Variants in ONECUT2 observed in about 807,000 individuals in gnomAD.
ONECUT2 encodes the protein one cut domain family member 2.
A neutral mutation model predicts 27.9 loss-of-function variants in ONECUT2; 10 were observed. The ratio of observed to expected loss-of-function variants is 0.36; its 90% CI spans 0.22 to 0.61. The LOEUF (loss-of-function observed/expected upper bound fraction) is 0.61. Among genes scored for constraint, ONECUT2 ranks in the 20% least tolerant of loss-of-function variants. The probability of loss-of-function intolerance (pLI) is 0.73; values close to 1 mark genes in which losing one functional copy is unlikely to be tolerated. For synonymous variants in ONECUT2, 334 were observed against 315.1 expected, an observed-to-expected ratio of 1.06 and a Z score of -0.64; for missense variants, 686 against 721.0, an observed-to-expected ratio of 0.95 and a Z score of 0.56.
At position 57,436,607 on chromosome 18, in the gene ONECUT2, C is replaced by T. The variant is rs781249150; in HGVS notation, c.891C>T (p.His297=). The change falls in exon 1 of 2, where the codon CAC becomes CAT. Residue 297 remains histidine, a synonymous_variant. Transcript: ENST00000491143. The surrounding 1 kb of genome is among the most constrained non-coding windows in gnomAD (Gnocchi z 5.9). ...TGTCGCACCTGAACGGCCTGCACCA[C>T]CCGGGCCACACTCAGTCTCACGGGC... ...AMMSHLNGLH[H]PGHTQSHGPV... The T allele has an allele frequency of 6.2e-7, 1 of 1,610,828 alleles. No homozygotes were observed. Among genetic ancestry groups the T allele is most frequent in the East Asian group, 2.2e-5 (1 of 44,874 alleles).
chr18:57,440,639 C>T (rs989498067), intron 1 of ONECUT2, among the ~76,000 whole-genome samples: 1 of 152,230 alleles, frequency 6.6e-6, no homozygotes, highest in Non-Finnish European at 1.5e-5. Context: ...ATGCCCGCAG[C>T]GGCGGGACAC....
intron 1 of ONECUT2, chr18:57,444,469 T>C (rs564644076): frequency 4.4e-6 from 2 of 455,952 alleles, no homozygotes; most frequent in Non-Finnish European, 8.8e-6. Flanking sequence ...TTGGCAGCCA[T>C]TGGCAGCTTG....
At chr18:57,437,628 C>G (rs1469675428) in intron 1 of ONECUT2, among the ~76,000 whole-genome samples, 2 of 152,178 alleles carry the variant, frequency 1.3e-5, no homozygotes, top group African/African-American at 4.8e-5. Context: ...GGGGCTCGGG[C>G]CAGCTCCAAT....
chr18:57,444,126 T>G (rs1395035390), intron 1 of ONECUT2, among the ~76,000 whole-genome samples: 2 of 152,216 alleles, frequency 1.3e-5, no homozygotes, highest in African/African-American at 4.8e-5. Flanking sequence ...AGTGGTTTGC[T>G]TTGTCATACT....
Position 57,455,097 on chromosome 18 carries a change from G to A in ONECUT2, c.1228+18153G>A, listed in dbSNP as rs551384165. 1.6e-4 allele frequency among the ~76,000 whole-genome samples: 25 copies of A among 152,280 alleles called. No homozygotes were observed. In the South Asian group the frequency reaches 5.2e-3, roughly 32 times the overall value. On this transcript the variant is annotated intron_variant, in intron 1 of 1. Transcript: ENST00000491143. Reference sequence around the variant, plus strand: ...GTGGTCATGAGATTTAAAATGCTAAGGAGAATGGCTTCCTCTTTAACCTCT... The same window carrying A: ...GTGGTCATGAGATTTAAAATGCTAAAGAGAATGGCTTCCTCTTTAACCTCT...
intron 1 of ONECUT2, among the ~76,000 whole-genome samples, chr18:57,459,782 C>A (rs1390420886): frequency 1.3e-5 from 2 of 152,190 alleles, no homozygotes; most frequent in Non-Finnish European, 2.9e-5. Context: ...TGGTCTCGAA[C>A]TTCTGACCTC....
At chr18:57,461,890 A>T (rs1165942775) in intron 1 of ONECUT2, among the ~76,000 whole-genome samples, 1 of 152,254 alleles carries the variant, frequency 6.6e-6, no homozygotes, top group East Asian at 1.9e-4. Flanking sequence ...GCAGTGGTGA[A>T]GGCCAGGAGA....
chr18:57,441,040 G>C (rs959918515), intron 1 of ONECUT2, among the ~76,000 whole-genome samples: 1 of 152,204 alleles, frequency 6.6e-6, no homozygotes, highest in Non-Finnish European at 1.5e-5. Flanking sequence ...GGGCGGGAGC[G>C]GGCAGAGGAG....
chr18:57,477,883 A>G lies in ONECUT2; in HGVS notation c.*1160A>G, dbSNP rs1433236558. 1 of 152,516 alleles carries G rather than the reference A, an allele frequency of 6.6e-6. No individual in the cohort carries two copies. Among genetic ancestry groups the G allele is most frequent in the Non-Finnish European group, 1.5e-5 (1 of 68,018 alleles). 9.4% of individuals were successfully genotyped at this position (152,516 alleles called of 1,614,324 possible). On this transcript the variant is annotated 3_prime_UTR_variant, in exon 2 of 2. Transcript: ENST00000491143. The stretch of plus-strand genomic sequence containing the variant: ...TGTTTTCTAGCAAGAAAAAAAAATC[A>G]ATCAATCAAACCTGCATACATGTTA...
In ONECUT2 at chr18:57,435,915, C is replaced by CCCAGCG; in HGVS notation, c.201_202insAGCGCC (p.Pro67_His68insSerAla). On this transcript the variant is annotated inframe_insertion, in exon 1 of 2. Transcript: ENST00000491143. ...GCAGGAGCTGCTGGCCAGCCCCAGC[C>CCCAGCG]CCCACCACGCGGGCCGCGGCGCCGC... 8.6e-7 allele frequency: 1 copy of CCCAGCG among 1,157,402 alleles called. No homozygotes were observed. The highest frequency in any genetic ancestry group is 4.3e-5 in the East Asian group (1 of 23,512). The allele number at this position is 1,157,402 out of a possible 1,614,324, so 71.7% of individuals were successfully genotyped here.
intron 1 of ONECUT2, among the ~76,000 whole-genome samples, chr18:57,448,853 A>G (rs541799485): frequency 6.6e-6 from 1 of 152,354 alleles, no homozygotes; most frequent in South Asian, 2.1e-4. Flanking sequence ...TAAATACTGA[A>G]AAGTGTGTGG....
intron 1 of ONECUT2, among the ~76,000 whole-genome samples, chr18:57,468,532 A>G (rs1009572750): frequency 6.6e-6 from 1 of 152,208 alleles, no homozygotes; most frequent in Non-Finnish European, 1.5e-5. Flanking sequence ...TAGGGAGCAC[A>G]AAATAATCCA....
At chr18:57,437,942 G>A (rs1368536391) in intron 1 of ONECUT2, among the ~76,000 whole-genome samples, 2 of 152,238 alleles carry the variant, frequency 1.3e-5, no homozygotes, top group African/African-American at 4.8e-5. Context: ...GCGACCGCGG[G>A]GAGGACTGGC....
chr18:57,437,010 C>T lies in ONECUT2; in HGVS notation c.1228+66C>T, dbSNP rs988426176. 63 of 1,498,312 alleles carry T rather than the reference C, an allele frequency of 4.2e-5. 1 individual carries two copies. Among genetic ancestry groups the T allele is most frequent in the Non-Finnish European group, 5.3e-5 (60 of 1,123,832 alleles). 92.8% of individuals were successfully genotyped at this position (1,498,312 alleles called of 1,614,324 possible). ...GGGCTCCGGGTCCGGTGCTTGTGGC[C>T]CAAGTCTGCGCGCCGAGTCACTTCT... On this transcript the variant is annotated intron_variant, in intron 1 of 1. Transcript: ENST00000491143.
chr18:57,438,555 T>C (rs377108878), intron 1 of ONECUT2, among the ~76,000 whole-genome samples: 23 of 152,188 alleles, frequency 1.5e-4, no homozygotes, highest in Non-Finnish European at 2.4e-4. Context: ...AGGCAGCAGG[T>C]TCACCCGGGC....
At chr18:57,445,533 T>A (rs1390544204) in intron 1 of ONECUT2, among the ~76,000 whole-genome samples, 1 of 152,202 alleles carries the variant, frequency 6.6e-6, no homozygotes, top group Non-Finnish European at 1.5e-5. Flanking sequence ...TGTTTCTAAT[T>A]GGCTATCTCT....
chr18:57,466,000 T>A (rs1324717740), intron 1 of ONECUT2, among the ~76,000 whole-genome samples: 1 of 152,220 alleles, frequency 6.6e-6, no homozygotes, highest in Non-Finnish European at 1.5e-5. Context: ...AGGGCTCCTC[T>A]TGTACCTGTG....
chr18:57,478,519 G>A lies in ONECUT2; in HGVS notation c.*1796G>A, dbSNP rs1441247583. 7 of 152,556 alleles carry A rather than the reference G, an allele frequency of 4.6e-5. No homozygotes were observed. Among genetic ancestry groups the A allele is most frequent in the African/African-American group, 9.7e-5 (4 of 41,422 alleles). The allele number at this position is 152,556 out of a possible 1,614,324, so 9.5% of individuals were successfully genotyped here. A position where few individuals can be genotyped will look rare whatever the true frequency, so the allele number is the denominator to read the frequency against. On this transcript the variant is annotated 3_prime_UTR_variant, in exon 2 of 2. Coordinates refer to ENST00000491143, the MANE Select transcript of ONECUT2 (RefSeq NM_004852.3). ...GAAGGAAGCACGCCAGAAAATAAACGAAAACAAAAACAGGGAGACACACTG... is the reference window on the plus strand; with the variant it reads ...GAAGGAAGCACGCCAGAAAATAAACAAAAACAAAAACAGGGAGACACACTG...
At chr18:57,469,085 T>C (rs1482808916) in intron 1 of ONECUT2, among the ~76,000 whole-genome samples, 1 of 152,194 alleles carries the variant, frequency 6.6e-6, no homozygotes, top group Non-Finnish European at 1.5e-5. Flanking sequence ...CCTACTTTTG[T>C]AATTGATTTT....
Sources: gnomAD v4.1 joint callset for allele counts (sites outside exome capture counted in the v4.1 genomes callset) on GRCh38, gnomAD v4.1.1 for gene constraint, Gnocchi (gnomAD v3.1) non-coding constraint, MANE v1.5 for transcripts, NCBI Gene and HGNC (gene_info 2026-07-23, HGNC 2026-07-21) for gene names.